Variants in CTNNBL1 observed in about 807,000 individuals in gnomAD.
CTNNBL1 encodes catenin beta like 1.
CTNNBL1 carries 31 observed loss-of-function variants against 72.7 expected under a neutral mutation model. The observed-to-expected ratio is 0.43, with a 90% CI of 0.32 to 0.58. CTNNBL1 has a LOEUF of 0.58. Ranked by LOEUF, CTNNBL1 falls within the 20% of genes least tolerant of loss-of-function variation. CTNNBL1 has a pLI of 0.08. For missense variants in CTNNBL1, 534 were observed against 725.1 expected (o/e 0.74, Z 3.03); for synonymous variants, 240 against 267.3 (o/e 0.90, Z 1.00).
intron 5 of CTNNBL1, among the ~76,000 whole-genome samples, chr20:37,759,754 G>A (rs771595839): frequency 3.3e-5 from 5 of 152,120 alleles, no homozygotes; most frequent in Non-Finnish European, 4.4e-5. Context: ...GCAACCAGTC[G>A]GAAGTCATCA....
At chr20:37,699,795 C>A (rs1293556238) in intron 1 of CTNNBL1, among the ~76,000 whole-genome samples, 1 of 152,138 alleles carries the variant, frequency 6.6e-6, no homozygotes, top group Non-Finnish European at 1.5e-5. Context: ...ACTTTGTGAT[C>A]CCCTGGTCTA....
At chr20:37,759,894 A>G (rs955810753) in intron 5 of CTNNBL1, among the ~76,000 whole-genome samples, 1 of 152,342 alleles carries the variant, frequency 6.6e-6, no homozygotes, top group East Asian at 1.9e-4. Flanking sequence ...TTTTAATTTG[A>G]GGCCAATATC....
At chr20:37,729,162 A>G (rs2073109659) in intron 1 of CTNNBL1, among the ~76,000 whole-genome samples, 1 of 152,234 alleles carries the variant, frequency 6.6e-6, no homozygotes, top group South Asian at 2.1e-4. Context: ...AAATTTCCTC[A>G]GATGCCCTGT....
intron 1 of CTNNBL1, among the ~76,000 whole-genome samples, chr20:37,728,138 C>G (rs1373063758): frequency 6.6e-6 from 1 of 152,138 alleles, no homozygotes; most frequent in African/African-American, 2.4e-5. Context: ...CTGTTCAGTA[C>G]TATAGCCACT....
Position 37,802,956 on chromosome 20 carries a change from T to C in CTNNBL1, c.1121T>C (p.Val374Ala). 1 of 1,614,162 alleles carries C rather than the reference T, an allele frequency of 6.2e-7. No individual in the cohort carries two copies. Among genetic ancestry groups the C allele is most frequent in the East Asian group, 2.2e-5 (1 of 44,876 alleles). ...PEGTDNCHKF[V>A]DILGLRTIFP... The stretch of plus-strand genomic sequence containing the variant: ...GGCACAGACAACTGCCATAAGTTTG[T>C]TGACATTCTTGGCTTACGAACCATC... Residue 374 changes from valine to alanine, a missense_variant, in exon 11 of 16, where the codon GTT becomes GCT. Coordinates refer to ENST00000361383, the MANE Select transcript of CTNNBL1 (RefSeq NM_030877.5).
At chr20:37,747,324 G>A (rs6067493) in intron 4 of CTNNBL1, among the ~76,000 whole-genome samples, 44,981 of 144,526 alleles carry the variant, frequency 0.31, 6,870 homozygotes, top group Admixed American at 0.34. Context: ...GCAGTGAGCC[G>A]AGATCATGCC....
At chr20:37,765,703 C>T (rs1450357870) in intron 6 of CTNNBL1, among the ~76,000 whole-genome samples, 2 of 152,118 alleles carry the variant, frequency 1.3e-5, no homozygotes, top group East Asian at 3.8e-4. Context: ...CATTCTGTAC[C>T]TTTGTAGGAC....
chr20:37,799,648 C>G (rs2073807355), intron 10 of CTNNBL1, among the ~76,000 whole-genome samples: 1 of 152,140 alleles, frequency 6.6e-6, no homozygotes, highest in South Asian at 2.1e-4. Context: ...TTTTATTTAC[C>G]TCTTCTTACA....
intron 5 of CTNNBL1, among the ~76,000 whole-genome samples, chr20:37,759,614 A>T (rs971264590): frequency 1.3e-5 from 2 of 152,096 alleles, no homozygotes; most frequent in African/African-American, 4.8e-5. Context: ...CTGTTTGTTT[A>T]GTTTAGTTTT....
intron 1 of CTNNBL1, among the ~76,000 whole-genome samples, chr20:37,705,788 G>A (rs1414291915): frequency 6.6e-6 from 1 of 152,144 alleles, no homozygotes; most frequent in African/African-American, 2.4e-5. Flanking sequence ...AAAGGAAGTG[G>A]TTGGGTTTGG....
At chr20:37,813,127 G>A (rs935144772) in intron 11 of CTNNBL1, among the ~76,000 whole-genome samples, 4 of 152,238 alleles carry the variant, frequency 2.6e-5, no homozygotes, top group Admixed American at 1.3e-4. Flanking sequence ...CAGAGTTTCT[G>A]ATTCCAGCAG....
chr20:37,830,527 GA>G (rs1231006609), intron 11 of CTNNBL1, among the ~76,000 whole-genome samples: 1 of 152,192 alleles, frequency 6.6e-6, no homozygotes, highest in Non-Finnish European at 1.5e-5. Context: ...AGAAGGTTGA[GA>G]AAGTCAAATT....
intron 1 of CTNNBL1, among the ~76,000 whole-genome samples, chr20:37,708,006 G>C (rs968594860): frequency 6.6e-6 from 1 of 152,174 alleles, no homozygotes. Context: ...TAAGTTCGCT[G>C]TCTCACGTGG....
At chr20:37,696,379 A>G (rs1193301392) in intron 1 of CTNNBL1, among the ~76,000 whole-genome samples, 1 of 151,754 alleles carries the variant, frequency 6.6e-6, no homozygotes, top group Non-Finnish European at 1.5e-5. Context: ...GATCTGCTAC[A>G]TGTGCAAAAT....
chr20:37,788,673 A>G (rs376629838), intron 10 of CTNNBL1, among the ~76,000 whole-genome samples: 2 of 152,258 alleles, frequency 1.3e-5, no homozygotes. Flanking sequence ...AAATGAGCTT[A>G]TTCTCCTTTG....
intron 4 of CTNNBL1, among the ~76,000 whole-genome samples, chr20:37,747,018 A>G (rs1243486460): frequency 2.6e-5 from 4 of 152,230 alleles, no homozygotes; most frequent in African/African-American, 7.2e-5. Flanking sequence ...ATAGTGAACC[A>G]TGGTAAAAAG....
chr20:37,716,333 G>A (rs1295127253), intron 1 of CTNNBL1, among the ~76,000 whole-genome samples: 1 of 152,192 alleles, frequency 6.6e-6, no homozygotes, highest in East Asian at 1.9e-4. Context: ...TGTGGATAGA[G>A]CTTGCAGGGA....
chr20:37,799,448 C>T (rs906741174), intron 10 of CTNNBL1, among the ~76,000 whole-genome samples: 2 of 152,176 alleles, frequency 1.3e-5, no homozygotes, highest in African/African-American at 2.4e-5. Flanking sequence ...CACCTTTGCA[C>T]ATGCTGTACA....
At chr20:37,866,276 C>T (rs190796719) in intron 15 of CTNNBL1, among the ~76,000 whole-genome samples, 2 of 152,338 alleles carry the variant, frequency 1.3e-5, no homozygotes, top group Admixed American at 6.5e-5. Flanking sequence ...AGAGGGCTCT[C>T]GGGAAGCGCT....
Sources: allele counts gnomAD v4.1 joint callset (sites outside exome capture counted in the v4.1 genomes callset), GRCh38; gene constraint gnomAD v4.1.1; transcripts MANE v1.5; gene names NCBI Gene and HGNC (gene_info 2026-07-23, HGNC 2026-07-21).